The following RGS7BP variants were observed in gnomAD, a reference collection of about 807,000 sequenced individuals.
The protein encoded by RGS7BP is regulator of G protein signaling 7 binding protein.
A neutral mutation model predicts 31.3 loss-of-function variants in RGS7BP; 9 were observed. That is an observed-to-expected ratio of 0.29 (90% CI 0.17 to 0.50). The LOEUF is 0.50. Among genes scored for constraint, RGS7BP ranks in the 20% least tolerant of loss-of-function variants. The pLI, the probability that RGS7BP is intolerant of heterozygous loss-of-function variation, is 0.98. For missense variants in RGS7BP, 274 were observed against 322.0 expected (o/e 0.85, Z 1.14); for synonymous variants, 115 against 120.1 (o/e 0.96, Z 0.28).
chr5:64,523,233 G>A (rs1749152737), intron 2 of RGS7BP, among the ~76,000 whole-genome samples: 1 of 152,230 alleles, frequency 6.6e-6, no homozygotes, highest in Admixed American at 6.5e-5. Flanking sequence ...CAGTGGGGCA[G>A]TGCTGTTGGG....
At chr5:64,517,899 G>A (rs1749014978) in intron 2 of RGS7BP, among the ~76,000 whole-genome samples, 1 of 151,940 alleles carries the variant, frequency 6.6e-6, no homozygotes, top group Non-Finnish European at 1.5e-5. Flanking sequence ...ACTTGAGATT[G>A]AGACTCTTTA....
At chr5:64,572,175 T>C (rs545758438) in intron 2 of RGS7BP, among the ~76,000 whole-genome samples, 4 of 152,200 alleles carry the variant, frequency 2.6e-5, no homozygotes, top group Non-Finnish European at 5.9e-5. Flanking sequence ...TTCATTTTAA[T>C]ATAAATGTTT....
intron 5 of RGS7BP, 36 bp downstream of exon 5, chr5:64,598,471 T>A (rs1274021319): frequency 8.0e-7 from 1 of 1,248,324 alleles, no homozygotes; most frequent in Non-Finnish European, 1.2e-6. Flanking sequence ...GCAGAGGATG[T>A]TTTTAATGGG....
intron 5 of RGS7BP, among the ~76,000 whole-genome samples, chr5:64,608,530 T>C (rs1189721265): frequency 2.6e-5 from 4 of 152,020 alleles, no homozygotes; most frequent in African/African-American, 4.8e-5. Flanking sequence ...GTGATAATGA[T>C]CCAATGTAAA....
chr5:64,590,140 G>A (rs1206373765), intron 3 of RGS7BP, among the ~76,000 whole-genome samples: 1 of 151,888 alleles, frequency 6.6e-6, no homozygotes, highest in East Asian at 1.9e-4. Context: ...AGATAAAAGA[G>A]AAGAGAACAG....
At chr5:64,567,757 T>C (rs1165054944) in intron 2 of RGS7BP, among the ~76,000 whole-genome samples, 1 of 152,198 alleles carries the variant, frequency 6.6e-6, no homozygotes, top group Non-Finnish European at 1.5e-5. Flanking sequence ...CTAAATACTA[T>C]TTAAATAAGT....
chr5:64,557,955 T>C (rs1304176274), intron 2 of RGS7BP, among the ~76,000 whole-genome samples: 1 of 152,100 alleles, frequency 6.6e-6, no homozygotes, highest in Non-Finnish European at 1.5e-5. Context: ...ACTTTTAAAA[T>C]TAGGATAAAA....
intron 3 of RGS7BP, among the ~76,000 whole-genome samples, chr5:64,584,297 G>A (rs1184528870): frequency 6.6e-6 from 1 of 152,170 alleles, no homozygotes; most frequent in Admixed American, 6.5e-5. Context: ...TTCAAGGGTG[G>A]AGAGAATTTT....
chr5:64,542,870 G>A (rs879294058), intron 2 of RGS7BP, among the ~76,000 whole-genome samples: 4 of 152,288 alleles, frequency 2.6e-5, no homozygotes, highest in Non-Finnish European at 4.4e-5. Context: ...TCTTTTATAT[G>A]CACTGTCTCC....
chr5:64,535,736 G>A (rs1424500683), intron 2 of RGS7BP, among the ~76,000 whole-genome samples: 1 of 152,180 alleles, frequency 6.6e-6, no homozygotes, highest in East Asian at 1.9e-4. Context: ...CAGACAGGAA[G>A]ACATACATCC....
chr5:64,515,486 T>C (rs992792439), intron 2 of RGS7BP, among the ~76,000 whole-genome samples: 9 of 152,128 alleles, frequency 5.9e-5, no homozygotes, highest in Non-Finnish European at 1.3e-4. Flanking sequence ...GGGCTTTACA[T>C]TGAATTGTTA....
intron 2 of RGS7BP, among the ~76,000 whole-genome samples, chr5:64,565,934 T>C (rs767215916): frequency 2.0e-5 from 3 of 152,086 alleles, no homozygotes; most frequent in Admixed American, 1.3e-4. Flanking sequence ...AAAATGGAAA[T>C]TATCATTGCA....
chr5:64,519,687 A>G (rs570453097), intron 2 of RGS7BP, among the ~76,000 whole-genome samples: 2 of 152,364 alleles, frequency 1.3e-5, no homozygotes, highest in African/African-American at 4.8e-5. Context: ...GCTAAGAGCC[A>G]ACTATGTGCT....
intron 2 of RGS7BP, among the ~76,000 whole-genome samples, chr5:64,545,830 G>T (rs1029149400): frequency 6.6e-6 from 1 of 152,160 alleles, no homozygotes; most frequent in Non-Finnish European, 1.5e-5. Context: ...GGAATTTGGG[G>T]AACTTGTGAG....
chr5:64,606,135 T>A (rs1454204400), intron 5 of RGS7BP, among the ~76,000 whole-genome samples: 1 of 151,562 alleles, frequency 6.6e-6, no homozygotes, highest in Non-Finnish European at 1.5e-5. Context: ...TTTAATCCAC[T>A]GTAGTGAGTG....
chr5:64,560,567 T>C (rs1742029991), intron 2 of RGS7BP, among the ~76,000 whole-genome samples: 1 of 150,124 alleles, frequency 6.7e-6, no homozygotes, highest in Non-Finnish European at 1.5e-5. Flanking sequence ...ATATATAATC[T>C]ATCAACAAGT....
rs1188532916 is a variant in RGS7BP, at chr5:64,611,872, G to T, written c.*2620G>T. The stretch of plus-strand genomic sequence containing the variant: ...CACCTACCAAAGGATTTTCTCAGGT[G>T]TGGTTCCAAGCGATAAAGTTCTACT... On this transcript the variant is annotated 3_prime_UTR_variant, in exon 6 of 6. Transcript: ENST00000334025. The T allele has an allele frequency of 1.3e-5, 2 of 151,868 alleles. No individual in the cohort carries two copies. The highest frequency in any genetic ancestry group is 1.5e-5 in the Non-Finnish European group (1 of 67,890). The allele number at this position is 151,868 out of a possible 1,614,324, so 9.4% of individuals were successfully genotyped here. A position where few individuals can be genotyped will look rare whatever the true frequency, so the allele number is the denominator to read the frequency against.
intron 2 of RGS7BP, among the ~76,000 whole-genome samples, chr5:64,555,726 A>G (rs1292117482): frequency 6.6e-6 from 1 of 152,162 alleles, no homozygotes; most frequent in Non-Finnish European, 1.5e-5. Flanking sequence ...GAAAAAGCAC[A>G]TGGTAAAACA....
At chr5:64,542,665 G>A (rs746718936) in intron 2 of RGS7BP, among the ~76,000 whole-genome samples, 2 of 152,196 alleles carry the variant, frequency 1.3e-5, no homozygotes, top group African/African-American at 2.4e-5. Context: ...CAGGGCTGCT[G>A]TTAACCCTTT....
Sources: gnomAD v4.1 joint callset for allele counts (sites outside exome capture counted in the v4.1 genomes callset) on GRCh38, gnomAD v4.1.1 for gene constraint, MANE v1.5 for transcripts, NCBI Gene and HGNC (gene_info 2026-07-23, HGNC 2026-07-21) for gene names.